GPC5: variants seen among roughly 807,000 people sequenced by gnomAD.
The protein encoded by GPC5 is glypican-5.
A neutral mutation model predicts 53.9 loss-of-function variants in GPC5; 47 were observed. The observed-to-expected ratio is 0.87, with a 90% CI of 0.69 to 1.11. GPC5 has a LOEUF of 1.11. Among genes scored for constraint, GPC5 ranks in the 50% most tolerant of loss-of-function variants. The pLI is 0.00. For synonymous variants in GPC5, 286 were observed against 263.3 expected (o/e 1.09, Z -0.84); for missense variants, 748 against 713.1 (o/e 1.05, Z -0.56).
At chr13:91,509,348 A>G (rs868062644) in intron 2 of GPC5, among the ~76,000 whole-genome samples, 2 of 150,698 alleles carry the variant, frequency 1.3e-5, no homozygotes, top group Non-Finnish European at 3.0e-5. Context: ...GACTATCTCA[A>G]AATATTCTAT....
Position 91,987,817 on chromosome 13 carries a change from G to T in GPC5, c.1401+79760G>T, listed in dbSNP as rs998511778. On this transcript the variant is annotated intron_variant, in intron 6 of 7. Transcript: ENST00000377067. ...ATATTATGTATAAATACCATATATA[G>T]TATTTATATTATATATAAATATACT... 7.1e-4 allele frequency among the ~76,000 whole-genome samples: 100 copies of T among 140,446 alleles called. 1 individual carries two copies. Among genetic ancestry groups the T allele is most frequent in the African/African-American group, 2.4e-3 (91 of 38,450 alleles). The allele number at this position is 140,446 out of a possible 152,430, so 92.1% of individuals were successfully genotyped here.
At chr13:92,124,103 C>T (rs1021405249) in intron 6 of GPC5, among the ~76,000 whole-genome samples, 2 of 151,210 alleles carry the variant, frequency 1.3e-5, no homozygotes, top group African/African-American at 4.9e-5. Context: ...AAATAACCAT[C>T]CTTACTACAG....
At chr13:92,532,508 T>G (rs545971399) in intron 7 of GPC5, among the ~76,000 whole-genome samples, 1 of 152,246 alleles carries the variant, frequency 6.6e-6, no homozygotes, top group African/African-American at 2.4e-5. Context: ...GGTTACTAAA[T>G]CCCAAAGAAA....
chr13:91,963,789 G>A (rs914999852), intron 6 of GPC5, among the ~76,000 whole-genome samples: 5 of 152,096 alleles, frequency 3.3e-5, no homozygotes, highest in Admixed American at 6.6e-5. Context: ...ATCTGATGGG[G>A]TATTTTGAGC....
chr13:91,891,232 A>G (rs2039382565), intron 5 of GPC5, among the ~76,000 whole-genome samples: 1 of 152,154 alleles, frequency 6.6e-6, no homozygotes, highest in Admixed American at 6.5e-5. Context: ...TTTTCTGTCT[A>G]CATTGATCAC....
intron 7 of GPC5, among the ~76,000 whole-genome samples, chr13:92,563,999 A>G (rs1882786467): frequency 6.6e-6 from 1 of 151,786 alleles, no homozygotes; most frequent in African/African-American, 2.4e-5. Context: ...ATTTTTTTTT[A>G]GAAAAAGAGG....
At chr13:91,684,283 A>C (rs2035573034) in intron 2 of GPC5, among the ~76,000 whole-genome samples, 1 of 152,148 alleles carries the variant, frequency 6.6e-6, no homozygotes. Context: ...GACTTATATC[A>C]ACAGCTTCAA....
At chr13:92,582,764 G>C (rs2139055493) in intron 7 of GPC5, among the ~76,000 whole-genome samples, 1 of 151,936 alleles carries the variant, frequency 6.6e-6, no homozygotes, top group South Asian at 2.1e-4. Flanking sequence ...GTTGTAAGTG[G>C]GGTTGTGGTC....
chr13:92,555,279 C>T (rs1882455322), intron 7 of GPC5, among the ~76,000 whole-genome samples: 1 of 151,226 alleles, frequency 6.6e-6, no homozygotes, highest in African/African-American at 2.4e-5. Flanking sequence ...TAGAATAAGA[C>T]ATCCTGATTA....
At chr13:91,932,775 A>G (rs1421870083) in intron 6 of GPC5, among the ~76,000 whole-genome samples, 1 of 151,952 alleles carries the variant, frequency 6.6e-6, no homozygotes, top group Admixed American at 6.6e-5. Context: ...GCCTCCTAGC[A>G]TCTAAACTCT....
chr13:92,554,678 G>C (rs139389850), intron 7 of GPC5, among the ~76,000 whole-genome samples: 1 of 150,370 alleles, frequency 6.7e-6, no homozygotes, highest in East Asian at 2.0e-4. Flanking sequence ...TGAGGAAAGA[G>C]AAAAACTATA....
chr13:92,023,374 TG>T, intron 6 of GPC5, among the ~76,000 whole-genome samples: 1 of 152,224 alleles, frequency 6.6e-6, no homozygotes, highest in Non-Finnish European at 1.5e-5. Flanking sequence ...TTTCCTCATC[TG>T]TCAAGAAAAA....
At chr13:91,731,805 G>C (rs988348193) in intron 4 of GPC5, among the ~76,000 whole-genome samples, 1 of 152,164 alleles carries the variant, frequency 6.6e-6, no homozygotes, top group African/African-American at 2.4e-5. Flanking sequence ...TCCTGTGTTA[G>C]TTTGCTGAGG....
chr13:92,769,728 G>T (rs546376864), intron 7 of GPC5, among the ~76,000 whole-genome samples: 6 of 152,260 alleles, frequency 3.9e-5, no homozygotes, highest in African/African-American at 1.4e-4. Flanking sequence ...TTATTTTATA[G>T]ATTATTATTT....
At chr13:92,537,685 A>C (rs573409002) in intron 7 of GPC5, among the ~76,000 whole-genome samples, 11 of 152,216 alleles carry the variant, frequency 7.2e-5, no homozygotes, top group African/African-American at 2.6e-4. Context: ...GAATGTCAAA[A>C]TCCTGCCAGC....
chr13:92,322,967 A>G (rs1265389233), intron 7 of GPC5, among the ~76,000 whole-genome samples: 1 of 152,086 alleles, frequency 6.6e-6, no homozygotes, highest in Admixed American at 6.6e-5. Flanking sequence ...GAGGAGACAA[A>G]AAAAGGCAAG....
chr13:91,450,903 A>C (rs1881132683), intron 2 of GPC5, among the ~76,000 whole-genome samples: 1 of 152,196 alleles, frequency 6.6e-6, no homozygotes, highest in African/African-American at 2.4e-5. Flanking sequence ...ACTTATAAGA[A>C]TACCCACTTT....
At position 92,190,726 on chromosome 13, in the gene GPC5, A is replaced by G. The variant is rs144217775; in HGVS notation, c.1561+45737A>G. ...AAAAACTAAAAAATGAAAAAGTATAATCGATAAGCTAAGACAGGAGAGAAA... is the reference window on the plus strand; with the variant it reads ...AAAAACTAAAAAATGAAAAAGTATAGTCGATAAGCTAAGACAGGAGAGAAA... On this transcript the variant is annotated intron_variant, in intron 7 of 7. Transcript: ENST00000377067. Among the ~76,000 whole-genome samples the G allele has an allele frequency of 3.9e-5, 6 of 152,254 alleles. No individual in the cohort carries two copies. In the East Asian group the frequency reaches 1.2e-3, roughly 29 times the overall value.
intron 7 of GPC5, among the ~76,000 whole-genome samples, chr13:92,517,977 C>T (rs1880863648): frequency 6.6e-6 from 1 of 152,070 alleles, no homozygotes; most frequent in Non-Finnish European, 1.5e-5. Flanking sequence ...TAGAGAAGTC[C>T]TTAAATGACC....
Sources: allele counts gnomAD v4.1 joint callset (sites outside exome capture counted in the v4.1 genomes callset), GRCh38; gene constraint gnomAD v4.1.1; transcripts MANE v1.5; gene names NCBI Gene and HGNC (gene_info 2026-07-23, HGNC 2026-07-21).